HMGB3: variants seen among roughly 807,000 people sequenced by gnomAD.
The protein encoded by HMGB3 is high mobility group protein B3.
A neutral mutation model predicts 12.9 loss-of-function variants in HMGB3; 1 was observed. That is an observed-to-expected ratio of 0.08 (90% CI 0.03 to 0.37). The LOEUF (loss-of-function observed/expected upper bound fraction) is 0.37. HMGB3 is among the 10% of genes least tolerant of loss of function. HMGB3 has a pLI of 0.99. For synonymous variants in HMGB3, 61 were observed against 53.9 expected, an observed-to-expected ratio of 1.13 and a Z score of -0.57; for missense variants, 74 against 153.3, an observed-to-expected ratio of 0.48 and a Z score of 2.73.
chrX:150,982,980 G>C (rs893099495), upstream of HMGB3, among the ~76,000 whole-genome samples: 1 of 113,211 alleles, frequency 8.8e-6, no homozygotes, highest in African/African-American at 3.2e-5. Context: ...AGCGCAGCGG[G>C]GCTGGACTTC....
At chrX:150,987,623 A>G (rs2048066349) in intron 4 of HMGB3, among the ~76,000 whole-genome samples, 154 bp from the exon 5 acceptor site, 2 of 112,059 alleles carry the variant, frequency 1.8e-5, no homozygotes, top group South Asian at 7.4e-4. Context: ...CTAAGAACCA[A>G]ATTCATATAT....
At chrX:150,983,867 T>C (rs1200633159) in intron 1 of HMGB3, among the ~76,000 whole-genome samples, 2 of 105,525 alleles carry the variant, frequency 1.9e-5, no homozygotes, top group African/African-American at 6.8e-5. Context: ...CGCCGGGGGC[T>C]GCGCGGCTGG....
At chrX:150,984,313 C>T (rs1398409428) in intron 1 of HMGB3, among the ~76,000 whole-genome samples, 3 of 74,531 alleles carry the variant, frequency 4.0e-5, no homozygotes, top group African/African-American at 1.4e-4. Flanking sequence ...CCCGAGCCCC[C>T]GGGCGGCCCG....
At chrX:150,981,786 C>A (rs2047994285), upstream of HMGB3, among the ~76,000 whole-genome samples, 1 of 111,263 alleles carries the variant, frequency 9.0e-6, no homozygotes, top group Non-Finnish European at 1.9e-5. Context: ...TGGATTGGAA[C>A]CTTGATGATG....
At chrX:150,986,018 A>C (rs782153830) in intron 2 of HMGB3, 33 bp from the exon 3 acceptor site, 1 of 1,193,578 alleles carries the variant, frequency 8.4e-7, no homozygotes, top group Non-Finnish European at 1.1e-6. Context: ...TGTTCACTGC[A>C]TCGAGGGATT....
chrX:150,990,286 A>G lies in HMGB3; in HGVS notation c.*2372A>G, dbSNP rs188132440. 3 of 112,345 alleles carry G rather than the reference A, an allele frequency of 2.7e-5. No individual in the cohort carries two copies. The East Asian group carries it at 8.4e-4, about 32-fold the overall frequency. 9.3% of individuals were successfully genotyped at this position (112,345 alleles called of 1,213,427 possible). A position where few individuals can be genotyped will look rare whatever the true frequency, so the allele number is the denominator to read the frequency against. On this transcript the variant is annotated 3_prime_UTR_variant, in exon 5 of 5. Transcript: ENST00000325307. ...TGTGCTTCCAAAGTAGCTAAGCAGA[A>G]GTGGGGGAGCAGTTTAGCCAGATGA...
At chrX:150,980,577 C>G, upstream of HMGB3, 8 of 739,793 alleles carry the variant, frequency 1.1e-5, no homozygotes, top group South Asian at 6.9e-5. Flanking sequence ...GAGCAGAGAT[C>G]GAAATATTTC....
chrX:150,988,072 C>T lies in HMGB3; in HGVS notation c.*158C>T. On this transcript the variant is annotated 3_prime_UTR_variant, in exon 5 of 5. Coordinates refer to ENST00000325307, the MANE Select transcript of HMGB3 (RefSeq NM_005342.4). ...TCTCTCAAAGTGCTCTAGAAATTGT[C>T]AGTGGTTTACATGAAGTGGCCATGG... 1 of 689,672 alleles carries T rather than the reference C, an allele frequency of 1.4e-6. No individual in the cohort carries two copies. The highest frequency in any genetic ancestry group is 2.1e-6 in the Non-Finnish European group (1 of 475,601). The allele number at this position is 689,672 out of a possible 1,213,427, so 56.8% of individuals were successfully genotyped here.
At chrX:150,981,744 C>T (rs914986440), upstream of HMGB3, among the ~76,000 whole-genome samples, 3 of 111,520 alleles carry the variant, frequency 2.7e-5, no homozygotes, top group African/African-American at 9.8e-5. Flanking sequence ...GCATGAGCCA[C>T]CGCGCTTGGC....
chrX:150,985,430 C>G (rs2048042399), intron 1 of HMGB3, 165 bp from the exon 2 acceptor site: 1 of 371,609 alleles, frequency 2.7e-6, no homozygotes, highest in Admixed American at 4.6e-5. Context: ...AAGCTGATTT[C>G]TTTCCTACTC....
At chrX:150,986,250 G>T in intron 3 of HMGB3, 60 bp downstream of exon 3, 1 of 947,803 alleles carries the variant, frequency 1.1e-6, no homozygotes, top group Non-Finnish European at 1.4e-6. Flanking sequence ...TGGAGGATTT[G>T]GTTTTTTGGT....
intron 1 of HMGB3, among the ~76,000 whole-genome samples, chrX:150,983,875 T>C (rs1202878023): frequency 9.5e-6 from 1 of 105,518 alleles, no homozygotes; most frequent in Non-Finnish European, 2.0e-5. Context: ...GCTGCGCGGC[T>C]GGTGCCCGCC....
upstream of HMGB3, among the ~76,000 whole-genome samples, chrX:150,982,423 T>G (rs2047998069): frequency 8.9e-6 from 1 of 112,097 alleles, no homozygotes; most frequent in South Asian, 3.7e-4. Context: ...AAAGTGGAGA[T>G]CAAGTCAAAT....
In HMGB3 at chrX:150,987,805, A is replaced by G. The variant is rs1293867835; in HGVS notation, c.494A>G (p.Lys165Arg). ...KDVADYKSKGKFDGAKGPAKV... is the reference protein window; with the variant it reads ...KDVADYKSKGRFDGAKGPAKV... ...GTTGCTGACTATAAGTCGAAAGGAA[A>G]GTTTGATGGTGCAAAGGGTCCTGCT... is the stretch of plus-strand genomic sequence containing the variant. Residue 165 changes from lysine (K) to arginine (R), a missense_variant, in exon 5 of 5, where the codon AAG becomes AGG. Lys to Arg is a conservative substitution (Grantham distance 26). This residue lies in a region of HMGB3 where 29 missense variants were observed against 29.5 expected (regional missense o/e 0.98). Transcript: ENST00000325307. 3.9e-5 allele frequency: 47 copies of G among 1,205,028 alleles called. No homozygotes were observed. The highest frequency in any genetic ancestry group is 4.8e-5 in the Non-Finnish European group (43 of 893,757).
intron 1 of HMGB3, chrX:150,983,741 G>A (rs1479891705): frequency 1.0e-5 from 2 of 198,245 alleles, no homozygotes; most frequent in Non-Finnish European, 1.5e-5. Context: ...GGCTGCGGCG[G>A]CTGGGCGAGC....
rs1464392304 is a variant in HMGB3, at chrX:150,990,120, C to T, written c.*2206C>T. 1 of 112,152 alleles carries T rather than the reference C, an allele frequency of 8.9e-6. No individual in the cohort carries two copies. The highest frequency in any genetic ancestry group is 3.2e-5 in the African/African-American group (1 of 30,882). 9.2% of individuals were successfully genotyped at this position (112,152 alleles called of 1,213,427 possible). On this transcript the variant is annotated 3_prime_UTR_variant, in exon 5 of 5. Transcript: ENST00000325307. ...ATTCGTGATGTGCTAGGCCAAGATT[C>T]GGGAGCTGTTGCCAGCCTCGTCAAA...
chrX:150,983,642 G>C (rs1305361540), intron 1 of HMGB3: 3 of 734,367 alleles, frequency 4.1e-6, no homozygotes, highest in Non-Finnish European at 4.8e-6. Flanking sequence ...TTCGGGGGTC[G>C]GCCCCCTCGG....
At chrX:150,985,050 C>T (rs918866692) in intron 1 of HMGB3, among the ~76,000 whole-genome samples, 1 of 111,533 alleles carries the variant, frequency 9.0e-6, no homozygotes, top group East Asian at 2.8e-4. Context: ...GTTGTAAAGC[C>T]GTTTTTTTAG....
chrX:150,986,071 A>G lies in HMGB3; in HGVS notation c.171A>G (p.Lys57=). 3 of 1,207,602 alleles carry G rather than the reference A, an allele frequency of 2.5e-6. No individual in the cohort carries two copies. The highest frequency in any genetic ancestry group is 3.4e-6 in the Non-Finnish European group (3 of 894,160). Residue 57 remains lysine, a synonymous_variant, in exon 3 of 5, where the codon AAA becomes AAG. Transcript: ENST00000325307. ...TGCAGACGATGTCCGGGAAAGAGAA[A>G]TCTAAATTTGATGAAATGGCAAAGG... The part of the protein sequence containing the change: ...ERWKTMSGKE[K]SKFDEMAKAD...
Sources: allele counts gnomAD v4.1 joint callset (sites outside exome capture counted in the v4.1 genomes callset), GRCh38; gene constraint gnomAD v4.1.1; regional missense constraint gnomAD v4.1.1; transcripts MANE v1.5; gene names NCBI Gene and HGNC (gene_info 2026-07-23, HGNC 2026-07-21).